SIPA1L1: variants seen among roughly 807,000 people sequenced by gnomAD.
The protein encoded by SIPA1L1 is signal-induced proliferation-associated 1-like protein 1.
In SIPA1L1, 26 loss-of-function variants were observed where a neutral mutation model predicts 162.7. The observed-to-expected ratio is 0.16, with a 90% CI of 0.12 to 0.22. The LOEUF is 0.22. SIPA1L1 is among the 10% of genes least tolerant of loss of function. The pLI is 1.00. For missense variants in SIPA1L1, 1,874 were observed against 2,241.0 expected, an observed-to-expected ratio of 0.84 and a Z score of 3.31; for synonymous variants, 829 against 837.4, an observed-to-expected ratio of 0.99 and a Z score of 0.17.
Position 71,671,561 on chromosome 14 carries a change from T to A in SIPA1L1, c.2698T>A (p.Ser900Thr), listed in dbSNP as rs758281117. The change falls in exon 11 of 24, where the codon TCC (serine) becomes ACC (threonine). Residue 900 changes from serine (S) to threonine (T), a missense_variant. By Grantham distance (58) the Ser-to-Thr change is moderately conservative (BLOSUM62 1). This residue lies in a region of SIPA1L1 where 243 missense variants were observed against 315.0 expected (regional missense o/e 0.77). Coordinates refer to ENST00000381232, the MANE Select transcript of SIPA1L1 (RefSeq NM_001386936.1). ...QETKSVVFNC[S>T]CRDVIGWTST... ...AACAAAGAGCGTGGTCTTCAATTGT[T>A]CCTGTAGAGATGTGATAGGGTGGAC... 5 of 1,614,096 alleles carry A rather than the reference T, an allele frequency of 3.1e-6. No individual in the cohort carries two copies. In the African/African-American group the frequency reaches 6.7e-5, roughly 22 times the overall value.
intron 2 of SIPA1L1, among the ~76,000 whole-genome samples, chr14:71,506,644 T>C (rs1277613734): frequency 2.0e-5 from 3 of 152,208 alleles, no homozygotes; most frequent in Admixed American, 2.0e-4. Context: ...CTGGGCCAAA[T>C]GTACAAAATA....
chr14:71,618,989 C>A, intron 6 of SIPA1L1, 102 bp downstream of exon 6: 1 of 1,302,206 alleles, frequency 7.7e-7, no homozygotes, highest in Non-Finnish European at 1.1e-6. Flanking sequence ...ATGGTTACAG[C>A]TGTCTTTGGA....
intron 7 of SIPA1L1, among the ~76,000 whole-genome samples, chr14:71,625,082 T>G (rs978457326): frequency 6.6e-6 from 1 of 152,214 alleles, no homozygotes; most frequent in Non-Finnish European, 1.5e-5. Context: ...GGTAGTTTAT[T>G]TATTTTTTTT....
At chr14:71,512,692 G>A (rs1250187492) in intron 2 of SIPA1L1, 51 bp from the exon 3 acceptor site, 1 of 141,930 alleles carries the variant, frequency 7.0e-6, no homozygotes, top group Non-Finnish European at 1.5e-5. Flanking sequence ...GAGGGGGGTG[G>A]GAATGTGCAT....
chr14:71,699,986 C>T (rs1327811211), intron 14 of SIPA1L1, among the ~76,000 whole-genome samples: 1 of 152,192 alleles, frequency 6.6e-6, no homozygotes, highest in African/African-American at 2.4e-5. Flanking sequence ...TCTTCAAAAA[C>T]AGCACCAAGT....
At chr14:71,391,877 G>T (rs935527180) in intron 2 of SIPA1L1, among the ~76,000 whole-genome samples, 4 of 152,218 alleles carry the variant, frequency 2.6e-5, no homozygotes, top group African/African-American at 9.6e-5. Flanking sequence ...CCAGTGTGTA[G>T]TAGTAGATCA....
At chr14:71,463,451 C>T (rs986357719) in intron 2 of SIPA1L1, among the ~76,000 whole-genome samples, 17 of 152,148 alleles carry the variant, frequency 1.1e-4, no homozygotes, top group African/African-American at 4.1e-4. Context: ...ACTACAGTGA[C>T]GTTTTGGGTC....
rs2085626284 is a variant in SIPA1L1 at position 71,739,655 on chromosome 14, G to A, written c.*494G>A. ...CTTACCTTCTTCCCTAAAATGCCTG[G>A]AGAGGGAGTTGCTTTGAGAAAATGC... is the stretch of plus-strand genomic sequence containing the variant. On this transcript the variant is annotated 3_prime_UTR_variant, in exon 24 of 24. Transcript: ENST00000381232. The A allele has an allele frequency of 6.6e-6, 1 of 152,316 alleles. No homozygotes were observed. The highest frequency in any genetic ancestry group is 6.5e-5 in the Admixed American group (1 of 15,298). The allele number at this position is 152,316 out of a possible 1,614,324, so 9.4% of individuals were successfully genotyped here.
chr14:71,574,089 C>A, intron 4 of SIPA1L1: 3 of 185,538 alleles, frequency 1.6e-5, no homozygotes, highest in Admixed American at 5.5e-5. Flanking sequence ...ATTTCTACAA[C>A]AAAAATCTTG....
At chr14:71,572,756 T>G (rs1328569102) in intron 4 of SIPA1L1, among the ~76,000 whole-genome samples, 1 of 152,106 alleles carries the variant, frequency 6.6e-6, no homozygotes, top group Non-Finnish European at 1.5e-5. Flanking sequence ...GTAGGAAAAA[T>G]TAAGCGTAGG....
intron 4 of SIPA1L1, among the ~76,000 whole-genome samples, chr14:71,571,020 C>G (rs191184541): frequency 1.4e-3 from 209 of 152,274 alleles, no homozygotes; most frequent in Non-Finnish European, 2.5e-3. Context: ...GTCTCGAACT[C>G]CTGACCTCAG....
chr14:71,628,086 A>T (rs2040211177), intron 7 of SIPA1L1, among the ~76,000 whole-genome samples: 1 of 152,164 alleles, frequency 6.6e-6, no homozygotes, highest in South Asian at 2.1e-4. Context: ...GGAGTTCGAG[A>T]CCAGCCTGGG....
intron 4 of SIPA1L1, among the ~76,000 whole-genome samples, chr14:71,582,363 C>G (rs1170604787): frequency 6.6e-6 from 1 of 151,958 alleles, no homozygotes; most frequent in Admixed American, 6.6e-5. Flanking sequence ...TATTATTATT[C>G]CACCACGTAA....
At position 71,356,567 on chromosome 14, in the gene SIPA1L1, C is replaced by CAAAAAAAAAAAAAAAAAAAAAA. The variant is rs71105772; in HGVS notation, c.-465+35406_-465+35407insAAAAAAAAAAAAAAAAAAAAAA. On this transcript the variant is annotated intron_variant, in intron 2 of 23. Transcript: ENST00000381232. ...GCAACATAGCAAGACCTTGTCTCTA[C>CAAAAAAAAAAAAAAAAAAAAAA]AAAAAAAAAAAAAAAAAAAAGCACA... Among the ~76,000 whole-genome samples, 152 of 39,146 alleles carry CAAAAAAAAAAAAAAAAAAAAAA rather than the reference C, an allele frequency of 3.9e-3. 58 individuals are homozygous for CAAAAAAAAAAAAAAAAAAAAAA. The highest frequency in any genetic ancestry group is 5.0e-3 in the Non-Finnish European group (115 of 23,180). 25.7% of individuals were successfully genotyped at this position (39,146 alleles called of 152,430 possible). A position where few individuals can be genotyped will look rare whatever the true frequency, so the allele number is the denominator to read the frequency against.
intron 2 of SIPA1L1, among the ~76,000 whole-genome samples, chr14:71,458,081 T>C (rs929093482): frequency 6.6e-6 from 1 of 152,168 alleles, no homozygotes; most frequent in African/African-American, 2.4e-5. Context: ...TTTTTTCTTT[T>C]CTGGTTATTA....
chr14:71,512,248 C>T (rs566240064), intron 2 of SIPA1L1, among the ~76,000 whole-genome samples: 29 of 152,256 alleles, frequency 1.9e-4, no homozygotes, highest in Admixed American at 5.2e-4. Flanking sequence ...TCTGGGAAGT[C>T]ACTCTCTCTA....
chr14:71,416,625 CT>C (rs1199577993), intron 2 of SIPA1L1, among the ~76,000 whole-genome samples: 1 of 151,934 alleles, frequency 6.6e-6, no homozygotes, highest in Admixed American at 6.6e-5. Context: ...TGACATGACT[CT>C]TCGCCTTCTA....
At chr14:71,637,374 T>C (rs1658725563) in intron 7 of SIPA1L1, among the ~76,000 whole-genome samples, 1 of 152,160 alleles carries the variant, frequency 6.6e-6, no homozygotes, top group Admixed American at 6.6e-5. Context: ...TATTACATTG[T>C]ATTGTCATAA....
chr14:71,605,054 A>C (rs1464347807), intron 5 of SIPA1L1, among the ~76,000 whole-genome samples: 1 of 152,034 alleles, frequency 6.6e-6, no homozygotes, highest in Non-Finnish European at 1.5e-5. Flanking sequence ...GTCTCATGTC[A>C]CATAAGCTTT....
Sources: gnomAD v4.1 joint callset for allele counts (sites outside exome capture counted in the v4.1 genomes callset) on GRCh38, gnomAD v4.1.1 for gene constraint, gnomAD v4.1.1 regional missense constraint, MANE v1.5 for transcripts, NCBI Gene and HGNC (gene_info 2026-07-23, HGNC 2026-07-21) for gene names.